The following TNNI3K variants were observed in gnomAD, a reference collection of about 807,000 sequenced individuals.
TNNI3K encodes the protein serine/threonine-protein kinase TNNI3K.
TNNI3K carries 140 observed loss-of-function variants against 114.5 expected under a neutral mutation model. The observed-to-expected ratio is 1.22, with a 90% CI of 1.07 to 1.41. The LOEUF is 1.41. Ranked by LOEUF, TNNI3K falls within the 40% of genes most tolerant of loss-of-function variation. The pLI is 0.00. For missense variants in TNNI3K, 1,125 were observed against 1,007.6 expected (o/e 1.12, Z -1.58); for synonymous variants, 347 against 347.5 (o/e 1.00, Z 0.02).
intron 23 of TNNI3K, among the ~76,000 whole-genome samples, chr1:74,538,365 T>G (rs1417454207): frequency 6.6e-6 from 1 of 151,672 alleles, no homozygotes; most frequent in African/African-American, 2.4e-5. Flanking sequence ...GACTGGGGGG[T>G]AGAATGTCAT....
intron 2 of TNNI3K, among the ~76,000 whole-genome samples, chr1:74,237,633 C>T (rs910081911): frequency 4.6e-5 from 7 of 151,932 alleles, no homozygotes; most frequent in African/African-American, 1.2e-4. Flanking sequence ...GATACCACAT[C>T]GACAACTACA....
chr1:74,447,353 G>T (rs906218405), intron 20 of TNNI3K, among the ~76,000 whole-genome samples: 3 of 149,764 alleles, frequency 2.0e-5, no homozygotes, highest in Non-Finnish European at 2.9e-5. Flanking sequence ...GTCTGTTGTT[G>T]GTGTATAAGA....
At chr1:74,311,060 T>A (rs1224083001) in intron 5 of TNNI3K, among the ~76,000 whole-genome samples, 1 of 152,176 alleles carries the variant, frequency 6.6e-6, no homozygotes, top group Non-Finnish European at 1.5e-5. Context: ...TGTTTCAAAT[T>A]GTAAATCAGC....
chr1:74,441,022 C>A (rs1417358320), intron 20 of TNNI3K, among the ~76,000 whole-genome samples: 1 of 152,072 alleles, frequency 6.6e-6, no homozygotes, highest in Non-Finnish European at 1.5e-5. Context: ...CATCATCCAC[C>A]ACCATCGTAG....
intron 17 of TNNI3K, among the ~76,000 whole-genome samples, chr1:74,413,960 G>A (rs1042423017): frequency 1.3e-5 from 2 of 152,002 alleles, no homozygotes; most frequent in Admixed American, 6.6e-5. Flanking sequence ...ATTTCACAAC[G>A]AGTACATCAT....
At chr1:74,397,887 C>CTA (rs1664166917) in intron 17 of TNNI3K, among the ~76,000 whole-genome samples, 2 of 152,214 alleles carry the variant, frequency 1.3e-5, no homozygotes, top group South Asian at 4.1e-4. Flanking sequence ...CCTAAAGCTC[C>CTA]TAGAAGGCCA....
chr1:74,535,818 G>T (rs1180953455), intron 23 of TNNI3K, among the ~76,000 whole-genome samples: 1 of 152,100 alleles, frequency 6.6e-6, no homozygotes, highest in Non-Finnish European at 1.5e-5. Flanking sequence ...AGTCACAATT[G>T]AATCTAACCA....
At chr1:74,308,853 C>A (rs1322319145) in intron 5 of TNNI3K, among the ~76,000 whole-genome samples, 2 of 152,036 alleles carry the variant, frequency 1.3e-5, no homozygotes, top group Admixed American at 6.6e-5. Context: ...ACAAAAGATT[C>A]TAAGGGACCA....
At chr1:74,325,931 C>T (rs949086460) in intron 5 of TNNI3K, among the ~76,000 whole-genome samples, 1 of 152,126 alleles carries the variant, frequency 6.6e-6, no homozygotes, top group Non-Finnish European at 1.5e-5. Flanking sequence ...TTTACTAATG[C>T]AGATTTTTCC....
At chr1:74,539,037 A>G (rs1287652258) in intron 23 of TNNI3K, among the ~76,000 whole-genome samples, 1 of 152,194 alleles carries the variant, frequency 6.6e-6, no homozygotes, top group Non-Finnish European at 1.5e-5. Flanking sequence ...CCTAGATAAT[A>G]TACAAAGAAT....
At position 74,394,282 on chromosome 1, in the gene TNNI3K, A is replaced by G. The variant is rs963633051; in HGVS notation, c.1772+23890A>G. Among the ~76,000 whole-genome samples the G allele has an allele frequency of 5.3e-5, 8 of 152,234 alleles. No individual in the cohort carries two copies. In the East Asian group the frequency reaches 5.8e-4, roughly 11 times the overall value. On this transcript the variant is annotated intron_variant, in intron 17 of 24. Coordinates refer to ENST00000326637, the MANE Select transcript of TNNI3K (RefSeq NM_015978.3). ...TTTAGGTGTTGCAATCTCTTTTAGT[A>G]TTAAAAATTAGGAAGACCTCAAGGA...
intron 23 of TNNI3K, among the ~76,000 whole-genome samples, chr1:74,518,953 A>G (rs1366320599): frequency 2.8e-5 from 3 of 108,426 alleles, no homozygotes; most frequent in Non-Finnish European, 5.0e-5. Flanking sequence ...ACATATGTAT[A>G]CATGTGCCAT....
chr1:74,540,660 T>A (rs1212150168), intron 24 of TNNI3K, among the ~76,000 whole-genome samples: 1 of 151,956 alleles, frequency 6.6e-6, no homozygotes, highest in Non-Finnish European at 1.5e-5. Flanking sequence ...TTTGTCAACA[T>A]TTTATTAAGT....
chr1:74,499,162 C>A (rs754386385), intron 23 of TNNI3K, among the ~76,000 whole-genome samples: 6 of 152,142 alleles, frequency 3.9e-5, no homozygotes, highest in African/African-American at 7.2e-5. Context: ...AACTCAGGGT[C>A]TTTACTTTTC....
At chr1:74,499,138 A>T (rs1669480581) in intron 23 of TNNI3K, among the ~76,000 whole-genome samples, 1 of 152,184 alleles carries the variant, frequency 6.6e-6, no homozygotes, top group Non-Finnish European at 1.5e-5. Flanking sequence ...GACAACCAGC[A>T]TGCATTTCCC....
At chr1:74,538,371 G>A (rs1293976847) in intron 23 of TNNI3K, among the ~76,000 whole-genome samples, 1 of 152,004 alleles carries the variant, frequency 6.6e-6, no homozygotes, top group African/African-American at 2.4e-5. Flanking sequence ...GGGGTAGAAT[G>A]TCATTTAAGG....
At chr1:74,391,707 G>A (rs893604925) in intron 17 of TNNI3K, among the ~76,000 whole-genome samples, 2 of 152,112 alleles carry the variant, frequency 1.3e-5, no homozygotes, top group African/African-American at 2.4e-5. Context: ...TGGAGTAGAT[G>A]AGATCATTTA....
At chr1:74,329,838 A>G (rs1660104954) in intron 5 of TNNI3K, among the ~76,000 whole-genome samples, 1 of 152,086 alleles carries the variant, frequency 6.6e-6, no homozygotes, top group African/African-American at 2.4e-5. Context: ...CTAGTTCTGT[A>G]GGTCTATGAT....
chr1:74,408,323 C>T (rs776757393), intron 17 of TNNI3K, among the ~76,000 whole-genome samples: 1 of 152,146 alleles, frequency 6.6e-6, no homozygotes, highest in African/African-American at 2.4e-5. Context: ...CACCTGTTAG[C>T]CCATGGACTA....
Sources: allele counts gnomAD v4.1 joint callset (sites outside exome capture counted in the v4.1 genomes callset), GRCh38; gene constraint gnomAD v4.1.1; transcripts MANE v1.5; gene names NCBI Gene and HGNC (gene_info 2026-07-23, HGNC 2026-07-21).